The following FHIT variants were observed in gnomAD, a reference collection of about 807,000 sequenced individuals.
The protein encoded by FHIT is fragile histidine triad diadenosine triphosphatase.
A neutral mutation model predicts 17.9 loss-of-function variants in FHIT; 19 were observed. That is an observed-to-expected ratio of 1.06 (90% CI 0.74 to 1.56). FHIT has a LOEUF of 1.56. FHIT is among the 40% of genes most tolerant of loss of function. The probability of loss-of-function intolerance (pLI) is 0.00; values close to 1 mark genes in which losing one functional copy is unlikely to be tolerated. For synonymous variants in FHIT, 81 were observed against 69.7 expected, an observed-to-expected ratio of 1.16 and a Z score of -0.81; for missense variants, 248 against 189.2, an observed-to-expected ratio of 1.31 and a Z score of -1.82.
intron 3 of FHIT, among the ~76,000 whole-genome samples, chr3:60,904,758 G>A (rs538584254): frequency 2.6e-4 from 40 of 151,928 alleles, no homozygotes; most frequent in Non-Finnish European, 5.2e-4. Flanking sequence ...TGGCCAAGAT[G>A]GTGAAACCCC....
chr3:60,443,942 A>G, intron 5 of FHIT, among the ~76,000 whole-genome samples: 1 of 152,164 alleles, frequency 6.6e-6, no homozygotes, highest in Admixed American at 6.6e-5. Flanking sequence ...CAATCTACTC[A>G]TCTGACAAAG....
intron 8 of FHIT, among the ~76,000 whole-genome samples, chr3:59,859,303 G>T (rs1051550019): frequency 6.6e-6 from 1 of 152,152 alleles, no homozygotes; most frequent in Non-Finnish European, 1.5e-5. Context: ...TGGCATGGAA[G>T]AATACATGAC....
chr3:61,228,078 AC>A (rs1411656481), intron 1 of FHIT, among the ~76,000 whole-genome samples: 1 of 152,208 alleles, frequency 6.6e-6, no homozygotes, highest in African/African-American at 2.4e-5. Flanking sequence ...ATGAGAATTA[AC>A]ATTCTACTGG....
chr3:60,893,604 G>A (rs1705628910), intron 3 of FHIT, among the ~76,000 whole-genome samples: 1 of 152,160 alleles, frequency 6.6e-6, no homozygotes, highest in Non-Finnish European at 1.5e-5. Context: ...ATTTGCCACA[G>A]ATGTAGGCAA....
chr3:60,648,896 TGGAGGAATAAAGCTGTGGCAGTG>T (rs2039926816), intron 4 of FHIT, among the ~76,000 whole-genome samples: 1 of 152,138 alleles, frequency 6.6e-6, no homozygotes, highest in Non-Finnish European at 1.5e-5. Flanking sequence ...AAGGGGCACG[TGGAGGAATAAAGCTGTGGCAGTG>T]GTGGAGGAAT....
intron 7 of FHIT, among the ~76,000 whole-genome samples, chr3:59,969,058 A>G (rs985341033): frequency 2.0e-5 from 3 of 152,172 alleles, no homozygotes; most frequent in African/African-American, 7.2e-5. Flanking sequence ...CATGTGAGAA[A>G]TCCATGTTTC....
At chr3:60,565,303 G>C (rs917028416) in intron 4 of FHIT, among the ~76,000 whole-genome samples, 1 of 152,058 alleles carries the variant, frequency 6.6e-6, no homozygotes, top group South Asian at 2.1e-4. Flanking sequence ...TTGAGGTATG[G>C]CTGTACCCCT....
chr3:61,139,597 T>C (rs1238410443), intron 2 of FHIT, among the ~76,000 whole-genome samples: 2 of 151,346 alleles, frequency 1.3e-5, no homozygotes, highest in African/African-American at 4.9e-5. Context: ...AAATCCTTTG[T>C]AGAAGTAGGC....
At chr3:60,573,069 A>T (rs1017406438) in intron 4 of FHIT, among the ~76,000 whole-genome samples, 4 of 152,200 alleles carry the variant, frequency 2.6e-5, no homozygotes, top group Admixed American at 1.3e-4. Flanking sequence ...ACCTGCACCC[A>T]GGTCTTCCCA....
chr3:59,815,434 T>A (rs1489675695), intron 8 of FHIT, among the ~76,000 whole-genome samples: 2 of 152,098 alleles, frequency 1.3e-5, no homozygotes. Context: ...TGCACACACA[T>A]GTTTATAGCA....
At chr3:60,574,745 C>T (rs377128003) in intron 4 of FHIT, among the ~76,000 whole-genome samples, 12 of 152,040 alleles carry the variant, frequency 7.9e-5, no homozygotes, top group African/African-American at 2.9e-4. Flanking sequence ...TCAGTCGACT[C>T]ATATTTATAG....
intron 8 of FHIT, among the ~76,000 whole-genome samples, chr3:59,848,784 T>A (rs1367425263): frequency 6.6e-6 from 1 of 152,218 alleles, no homozygotes; most frequent in Non-Finnish European, 1.5e-5. Context: ...ATTGTAAAGC[T>A]CTACCAGAAT....
At chr3:61,199,071 A>G (rs1189604786) in intron 2 of FHIT, among the ~76,000 whole-genome samples, 1 of 152,178 alleles carries the variant, frequency 6.6e-6, no homozygotes. Flanking sequence ...TCCCCACTTC[A>G]CAGATCAGGA....
intron 5 of FHIT, among the ~76,000 whole-genome samples, chr3:60,408,030 C>T (rs1470030674): frequency 2.6e-5 from 4 of 152,146 alleles, no homozygotes; most frequent in African/African-American, 9.7e-5. Flanking sequence ...CAGCACATGC[C>T]TCATTTTAAA....
At chr3:60,681,614 AT>A (rs778975168) in intron 4 of FHIT, among the ~76,000 whole-genome samples, 2 of 152,228 alleles carry the variant, frequency 1.3e-5, no homozygotes, top group Non-Finnish European at 2.9e-5. Context: ...CTTGAAGGAA[AT>A]TAAAAGTGCT....
At chr3:60,293,062 GC>G (rs1184747393) in intron 5 of FHIT, among the ~76,000 whole-genome samples, 1 of 152,086 alleles carries the variant, frequency 6.6e-6, no homozygotes, top group African/African-American at 2.4e-5. Flanking sequence ...TAAACCCACA[GC>G]TTTCAGAGCA....
At chr3:61,093,584 A>G (rs1253997872) in intron 2 of FHIT, among the ~76,000 whole-genome samples, 1 of 152,260 alleles carries the variant, frequency 6.6e-6, no homozygotes, top group South Asian at 2.1e-4. Context: ...AAGGAAAGGT[A>G]CATTCAAAGC....
chr3:60,172,408 G>A (rs1323727662), intron 5 of FHIT, among the ~76,000 whole-genome samples: 2 of 151,670 alleles, frequency 1.3e-5, no homozygotes, highest in Non-Finnish European at 2.9e-5. Flanking sequence ...TGGGATTACA[G>A]GCATGCACCA....
intron 4 of FHIT, among the ~76,000 whole-genome samples, chr3:60,658,261 C>A (rs1480626251): frequency 6.6e-6 from 1 of 152,110 alleles, no homozygotes; most frequent in Non-Finnish European, 1.5e-5. Flanking sequence ...TAGCATATGT[C>A]AGAATTTACT....
Sources: allele counts gnomAD v4.1 joint callset (sites outside exome capture counted in the v4.1 genomes callset), GRCh38; gene constraint gnomAD v4.1.1; transcripts MANE v1.5; gene names NCBI Gene and HGNC (gene_info 2026-07-23, HGNC 2026-07-21).